Variants in MYO7A observed in about 807,000 individuals in gnomAD.
MYO7A encodes myosin VIIA, also known as unconventional myosin-VIIa.
Under a neutral mutation model 263.8 loss-of-function variants are expected in MYO7A, and 210 were observed. That is an observed-to-expected ratio of 0.80 (90% confidence interval 0.71 to 0.89). The LOEUF is 0.89. Ranked by LOEUF, MYO7A falls within the 40% of genes least tolerant of loss-of-function variation. The pLI, the probability that MYO7A is intolerant of heterozygous loss-of-function variation, is 0.00. For synonymous variants in MYO7A, 1,239 were observed against 1,197.3 expected (o/e 1.03, Z -0.72); for missense variants, 2,820 against 2,968.3 (o/e 0.95, Z 1.16).
chr11:77,182,225 G>A (rs1161847505), intron 24 of MYO7A, 71 bp downstream of exon 24: 1 of 1,567,298 alleles, frequency 6.4e-7, no homozygotes. Context: ...TGCTGCTGGT[G>A]GTGGCCGTAG....
chr11:77,148,896 T>G (rs1477078057), intron 4 of MYO7A, among the ~76,000 whole-genome samples: 2 of 152,256 alleles, frequency 1.3e-5, no homozygotes, highest in African/African-American at 4.8e-5. Flanking sequence ...GCCAACTGGA[T>G]TCTCATCTCT....
chr11:77,194,280 G>C lies in MYO7A; in HGVS notation c.4153-74G>C, dbSNP rs1282408651. 4 of 1,525,824 alleles carry C rather than the reference G, an allele frequency of 2.6e-6. No homozygotes were observed. The African/African-American group carries it at 4.1e-5, about 16-fold the overall frequency. 94.5% of individuals were successfully genotyped at this position (1,525,824 alleles called of 1,614,324 possible). Reference sequence around the variant, plus strand: ...GAGGCAGGGCCAGGAGAGGGGCCTGGAGCCTTTGGTGGTGTGGAAGGGCTT... The same window carrying C: ...GAGGCAGGGCCAGGAGAGGGGCCTGCAGCCTTTGGTGGTGTGGAAGGGCTT... On this transcript the variant is annotated intron_variant, in intron 31 of 48. Transcript: ENST00000409709.
chr11:77,191,030 C>T, intron 30 of MYO7A, 160 bp downstream of exon 30: 3 of 822,662 alleles, frequency 3.6e-6, no homozygotes, highest in Admixed American at 6.0e-5. Context: ...CTCAGGACTG[C>T]CGAGAACTCG....
In MYO7A at chr11:77,182,090, A is replaced by C; in HGVS notation, c.3044A>C (p.His1015Pro). The C allele has an allele frequency of 1.2e-6, 2 of 1,612,778 alleles. No individual in the cohort carries two copies. Among genetic ancestry groups the C allele is most frequent in the South Asian group, 1.1e-5 (1 of 91,056 alleles). ...AATYFQGTTT[H>P]SYTRRPLKQP... ...ACCTACTTCCAGGGGACAACCACGC[A>C]CTCCTACACCCGGCGGCCACTCAAA... is the stretch of plus-strand genomic sequence containing the variant. The change falls in exon 24 of 49, where the codon CAC (histidine) becomes CCC (proline). Residue 1015 changes from histidine (H) to proline (P), a missense_variant. Transcript: ENST00000409709.
In MYO7A at chr11:77,147,913, G is replaced by T. The variant is rs782444985; in HGVS notation, c.248G>T (p.Arg83Leu). 1.9e-6 allele frequency: 3 copies of T among 1,572,200 alleles called. No homozygotes were observed. Among genetic ancestry groups the T allele is most frequent in the Non-Finnish European group, 2.6e-6 (3 of 1,159,998 alleles). Reference sequence around the variant, plus strand: ...GACCTCAACGAGGCGGGCATCTTGCGCAACCTGCTTATCCGCTACCGGGAC... The same window carrying T: ...GACCTCAACGAGGCGGGCATCTTGCTCAACCTGCTTATCCGCTACCGGGAC... ...LGDLNEAGIL[R>L]NLLIRYRDHL... Residue 83 changes from arginine (R) to leucine (L), a missense_variant, in exon 4 of 49, where the codon CGC becomes CTC. Coordinates refer to ENST00000409709, the MANE Select transcript of MYO7A (RefSeq NM_000260.4).
intron 31 of MYO7A, chr11:77,193,893 G>T: frequency 2.4e-6 from 1 of 411,774 alleles, no homozygotes; most frequent in Non-Finnish European, 5.0e-6. Context: ...AGTGCTTAAC[G>T]GTGGTAATGG....
intron 2 of MYO7A, among the ~76,000 whole-genome samples, chr11:77,137,431 C>T (rs1210494943): frequency 6.6e-6 from 1 of 152,076 alleles, no homozygotes; most frequent in Non-Finnish European, 1.5e-5. Flanking sequence ...CAGAGAGCCA[C>T]AAATGCAGAC....
In MYO7A at chr11:77,182,139, C is replaced by T. The variant is rs990625976; in HGVS notation, c.3093C>T (p.Asp1031=). Reference sequence around the variant, plus strand: ...AACAGCCACTGCTCTACCATGACGACGAGGGTGACCAGCTGGTAAGGCCTG... The same window carrying T: ...AACAGCCACTGCTCTACCATGACGATGAGGGTGACCAGCTGGTAAGGCCTG... ...PLKQPLLYHD[D]EGDQLAALAV... The change falls in exon 24 of 49, where the codon GAC becomes GAT. Residue 1031 remains aspartate (D), a synonymous_variant. Coordinates refer to ENST00000409709, the MANE Select transcript of MYO7A (RefSeq NM_000260.4). The T allele has an allele frequency of 3.7e-5, 60 of 1,613,164 alleles. No individual in the cohort carries two copies. The highest frequency in any genetic ancestry group is 4.6e-5 in the Non-Finnish European group (54 of 1,179,856).
At chr11:77,212,795 C>A in intron 46 of MYO7A, 157 bp from the exon 47 acceptor site, 1 of 662,438 alleles carries the variant, frequency 1.5e-6, no homozygotes, top group Non-Finnish European at 2.7e-6. Flanking sequence ...GAGGGCCCAG[C>A]GGAGGTGGAA....
chr11:77,159,419 CTGAT>C, intron 9 of MYO7A, 24 bp from the exon 10 acceptor site: 5 of 1,545,416 alleles, frequency 3.2e-6, no homozygotes, highest in Non-Finnish European at 1.8e-6. Context: ...CCTCCCTCCC[CTGAT>C]GCTGTGCCCC....
chr11:77,191,765 A>G (rs1450148376), intron 30 of MYO7A, among the ~76,000 whole-genome samples: 1 of 152,142 alleles, frequency 6.6e-6, no homozygotes, highest in Admixed American at 6.5e-5. Context: ...TTTCTCACCG[A>G]TGCTCTTATG....
At chr11:77,194,106 C>T in intron 31 of MYO7A, 1 of 677,468 alleles carries the variant, frequency 1.5e-6, no homozygotes, top group Non-Finnish European at 2.7e-6. Context: ...GGGCAGAGTC[C>T]AGCTCCATGC....
Position 77,157,017 on chromosome 11 carries a change from C to T in MYO7A, c.735+13C>T. ...TGTCTGTCGCCAGGTGGGCCTGAGC[C>T]CCAGGGATGCAGGAATAGACCCAGG... On this transcript the variant is annotated intron_variant, in intron 7 of 48. Coordinates refer to ENST00000409709, the MANE Select transcript of MYO7A (RefSeq NM_000260.4). 6.2e-7 allele frequency: 1 copy of T among 1,610,238 alleles called. No homozygotes were observed. Among genetic ancestry groups the T allele is most frequent in the Non-Finnish European group, 8.5e-7 (1 of 1,178,442 alleles).
rs117530538 is a variant in MYO7A, at chr11:77,138,754, C to T, written c.19-3955C>T. The stretch of plus-strand genomic sequence containing the variant: ...CCCCCAGCCATAGTTTATGGACTGG[C>T]TGACCGCTGATGGAAGAGAAAGCTA... On this transcript the variant is annotated intron_variant, in intron 2 of 48. Transcript: ENST00000409709. This position sits in a 1 kb window ranked among gnomAD's most constrained non-coding sequence, Gnocchi z 4.9. Among the ~76,000 whole-genome samples the T allele has an allele frequency of 0.013, 1,976 of 152,326 alleles. 19 individuals carry two copies. Among genetic ancestry groups the T allele is most frequent in the Non-Finnish European group, 0.018 (1,192 of 68,026 alleles).
intron 32 of MYO7A, 125 bp from the exon 33 acceptor site, chr11:77,197,356 G>T: frequency 1.5e-6 from 1 of 684,432 alleles, no homozygotes; most frequent in South Asian, 1.9e-5. Context: ...AGCAGGGCAA[G>T]GCCACGATGC....
At position 77,211,287 on chromosome 11, in the gene MYO7A, C is replaced by T; in HGVS notation, c.6187C>T (p.Leu2063=). The T allele has an allele frequency of 1.3e-6, 2 of 1,582,250 alleles. No individual in the cohort carries two copies. Among genetic ancestry groups the T allele is most frequent in the East Asian group, 4.6e-5 (2 of 43,060 alleles). Residue 2063 remains leucine, a synonymous_variant, in exon 45 of 49, where the codon CTG becomes TTG. Coordinates refer to ENST00000409709, the MANE Select transcript of MYO7A (RefSeq NM_000260.4). ...FPSIPKLLRE[L]VPQDLIRQVS... ...CAGCATCCCCAAGCTGCTGCGGGAG[C>T]TGGTGCCCCAGGACCTTATCCGGCA... is the stretch of plus-strand genomic sequence containing the variant.
At chr11:77,169,004 T>C (rs1953829070) in intron 15 of MYO7A, among the ~76,000 whole-genome samples, 1 of 152,234 alleles carries the variant, frequency 6.6e-6, no homozygotes, top group Admixed American at 6.5e-5. Flanking sequence ...TACTGTGCTG[T>C]CTCCATAAAC....
chr11:77,212,610 A>T (rs1178098967), intron 46 of MYO7A: 2 of 405,308 alleles, frequency 4.9e-6, no homozygotes, highest in Admixed American at 7.3e-5. Context: ...GTCTTATCAC[A>T]CAGCTAGGAT....
chr11:77,195,301 G>A (rs1956561202), intron 32 of MYO7A, among the ~76,000 whole-genome samples: 2 of 151,974 alleles, frequency 1.3e-5, no homozygotes, highest in African/African-American at 4.8e-5. Context: ...TTCCCCCGAG[G>A]CCCGAACCCC....
Sources: gnomAD v4.1 joint callset for allele counts (sites outside exome capture counted in the v4.1 genomes callset) on GRCh38, gnomAD v4.1.1 for gene constraint, Gnocchi (gnomAD v3.1) non-coding constraint, MANE v1.5 for transcripts, NCBI Gene and HGNC (gene_info 2026-07-23, HGNC 2026-07-21) for gene names.